SLC49A4: variants seen among roughly 807,000 people sequenced by gnomAD.
SLC49A4 encodes the protein disrupted in renal cancer protein 2.
SLC49A4 carries 36 observed loss-of-function variants against 50.6 expected under a neutral mutation model. The observed-to-expected ratio is 0.71, with a 90% CI of 0.55 to 0.94. The LOEUF (loss-of-function observed/expected upper bound fraction) is 0.94, where lower values mean the gene tolerates loss of function less well. Among genes scored for constraint, SLC49A4 ranks in the 40% least tolerant of loss-of-function variants. The pLI, the probability that SLC49A4 is intolerant of heterozygous loss-of-function variation, is 0.00. For synonymous variants in SLC49A4, 248 were observed against 241.2 expected, an observed-to-expected ratio of 1.03 and a Z score of -0.26; for missense variants, 503 against 605.7, an observed-to-expected ratio of 0.83 and a Z score of 1.78.
At chr3:122,877,730 AT>A (rs1937283439) in intron 8 of SLC49A4, among the ~76,000 whole-genome samples, 1 of 152,066 alleles carries the variant, frequency 6.6e-6, no homozygotes. Flanking sequence ...CTACTTTTTA[AT>A]TTTTTACTGC....
At chr3:122,796,530 G>A (rs139246039) in intron 1 of SLC49A4, among the ~76,000 whole-genome samples, 27 of 152,246 alleles carry the variant, frequency 1.8e-4, no homozygotes, top group Non-Finnish European at 2.8e-4. Context: ...AGGCAGAATC[G>A]GTGTCGGGTG....
intron 5 of SLC49A4, among the ~76,000 whole-genome samples, chr3:122,848,598 A>C (rs936780957): frequency 1.3e-5 from 2 of 152,090 alleles, no homozygotes; most frequent in Non-Finnish European, 2.9e-5. Context: ...GATACCTTCT[A>C]TGTGTTTGTT....
intron 4 of SLC49A4, among the ~76,000 whole-genome samples, chr3:122,845,445 A>C (rs768991752): frequency 2.0e-5 from 3 of 152,064 alleles, no homozygotes; most frequent in Admixed American, 6.5e-5. Flanking sequence ...ATGTGTTTTT[A>C]TAGTGGAGTG....
intron 1 of SLC49A4, among the ~76,000 whole-genome samples, chr3:122,802,624 A>C (rs1576289472): frequency 6.6e-6 from 1 of 152,212 alleles, no homozygotes; most frequent in South Asian, 2.1e-4. Context: ...CATACTACAA[A>C]TGTTCAAGAA....
chr3:122,847,527 A>G (rs760662814), intron 5 of SLC49A4, among the ~76,000 whole-genome samples: 2 of 151,830 alleles, frequency 1.3e-5, no homozygotes, highest in Admixed American at 6.6e-5. Flanking sequence ...TTGTATTTTT[A>G]GTAGAGACGG....
chr3:122,831,722 G>T (rs1335121310), intron 3 of SLC49A4, among the ~76,000 whole-genome samples: 1 of 152,070 alleles, frequency 6.6e-6, no homozygotes. Context: ...CCACTAGATT[G>T]TGCACTTTAA....
chr3:122,799,466 T>C (rs560758336), intron 1 of SLC49A4, among the ~76,000 whole-genome samples: 20 of 152,274 alleles, frequency 1.3e-4, no homozygotes, highest in African/African-American at 4.6e-4. Context: ...AATAAGGCCT[T>C]TGTGACTGGA....
chr3:122,804,618 A>G (rs1936183805), intron 1 of SLC49A4, among the ~76,000 whole-genome samples: 1 of 152,178 alleles, frequency 6.6e-6, no homozygotes, highest in Admixed American at 6.5e-5. Flanking sequence ...CAAGAAAGCC[A>G]CCACACTGTA....
intron 1 of SLC49A4, among the ~76,000 whole-genome samples, chr3:122,806,376 T>A (rs1346099076): frequency 6.6e-6 from 1 of 151,494 alleles, no homozygotes; most frequent in Non-Finnish European, 1.5e-5. Flanking sequence ...AATCATCTTA[T>A]TTTCTTTTTT....
At position 122,795,281 on chromosome 3, in the gene SLC49A4, G is replaced by C. The variant is rs746543919; in HGVS notation, c.89G>C (p.Arg30Pro). 3.5e-6 allele frequency: 5 copies of C among 1,414,246 alleles called. No homozygotes were observed. The highest frequency in any genetic ancestry group is 4.6e-6 in the Non-Finnish European group (5 of 1,097,324). The allele number at this position is 1,414,246 out of a possible 1,614,324, so 87.6% of individuals were successfully genotyped here. Residue 30 changes from arginine to proline, a missense_variant, in exon 1 of 9, where the codon CGG becomes CCG. Transcript: ENST00000261038. ...GPGLGASWRS[R>P]EAAAAALPAA... ...GGGCTGGGGGCCTCCTGGAGAAGCC[G>C]GGAGGCGGCGGCGGCGGCGCTGCCC...
intron 2 of SLC49A4, among the ~76,000 whole-genome samples, chr3:122,808,004 C>T (rs1172875728): frequency 2.0e-5 from 3 of 152,166 alleles, no homozygotes; most frequent in East Asian, 1.9e-4. Context: ...TGGAAAGATA[C>T]AGTGGGACCC....
intron 2 of SLC49A4, among the ~76,000 whole-genome samples, chr3:122,822,302 A>G (rs1936464691): frequency 6.6e-6 from 1 of 152,216 alleles, no homozygotes; most frequent in Non-Finnish European, 1.5e-5. Flanking sequence ...CTTAGAAAGC[A>G]TTAGGATAAT....
chr3:122,842,485 CAAAAAAAAAA>C (rs34914829), intron 4 of SLC49A4, among the ~76,000 whole-genome samples: 13 of 58,778 alleles, frequency 2.2e-4, no homozygotes, highest in Middle Eastern at 0.034. Context: ...GACTCCGTCT[CAAAAAAAAAA>C]AAAAAAAAAA....
intron 2 of SLC49A4, among the ~76,000 whole-genome samples, chr3:122,818,909 C>T (rs1936414324): frequency 2.0e-5 from 3 of 151,526 alleles, no homozygotes; most frequent in Admixed American, 2.0e-4. Flanking sequence ...CACCACTGCA[C>T]TCCAGCCTGG....
chr3:122,860,127 T>G lies in SLC49A4; in HGVS notation c.1063T>G (p.Ser355Ala). Residue 355 changes from serine (S) to alanine (A), a missense_variant, in exon 7 of 9, where the codon TCG becomes GCG. By Grantham distance (99) the Ser-to-Ala change is moderately conservative. Coordinates refer to ENST00000261038, the MANE Select transcript of SLC49A4 (RefSeq NM_032839.3). ...MLKLILLLLF[S>A]GATLSSTWFT... is the part of the protein sequence containing the mutation. Reference sequence around the variant, plus strand: ...GAAACTAATTCTTCTCCTCCTGTTTTCGGGAGCTACACTGTCATCCACGTG... The same window carrying G: ...GAAACTAATTCTTCTCCTCCTGTTTGCGGGAGCTACACTGTCATCCACGTG... 1 of 1,613,488 alleles carries G rather than the reference T, an allele frequency of 6.2e-7. No homozygotes were observed.
intron 2 of SLC49A4, among the ~76,000 whole-genome samples, chr3:122,823,692 T>A (rs1428175176): frequency 6.6e-6 from 1 of 152,224 alleles, no homozygotes; most frequent in Non-Finnish European, 1.5e-5. Context: ...TTCATATGAT[T>A]TTATGATGTC....
At chr3:122,834,303 T>C (rs2107568596) in intron 4 of SLC49A4, among the ~76,000 whole-genome samples, 1 of 152,292 alleles carries the variant, frequency 6.6e-6, no homozygotes, top group Middle Eastern at 3.4e-3. Flanking sequence ...GCCACATAAG[T>C]AATCTTACAT....
chr3:122,853,481 G>T (rs1157306614), intron 5 of SLC49A4, among the ~76,000 whole-genome samples: 1 of 152,162 alleles, frequency 6.6e-6, no homozygotes, highest in Non-Finnish European at 1.5e-5. Context: ...GATTTTGACT[G>T]GGTATGGTGG....
At chr3:122,821,534 T>C (rs1477874284) in intron 2 of SLC49A4, among the ~76,000 whole-genome samples, 1 of 152,136 alleles carries the variant, frequency 6.6e-6, no homozygotes, top group Non-Finnish European at 1.5e-5. Context: ...GCAAGAGAAA[T>C]GCAGTCCATT....
Sources: gnomAD v4.1 joint callset for allele counts (sites outside exome capture counted in the v4.1 genomes callset) on GRCh38, gnomAD v4.1.1 for gene constraint, MANE v1.5 for transcripts, NCBI Gene and HGNC (gene_info 2026-07-23, HGNC 2026-07-21) for gene names.